Variants in RHOBTB3 observed in about 807,000 individuals in gnomAD.
RHOBTB3 encodes Rho related BTB domain containing 3.
RHOBTB3 carries 47 observed loss-of-function variants against 67.2 expected under a neutral mutation model. The observed-to-expected ratio is 0.70, with a 90% confidence interval of 0.55 to 0.89. RHOBTB3 has a LOEUF of 0.89. Ranked by LOEUF, RHOBTB3 falls within the 40% of genes least tolerant of loss-of-function variation. The probability of loss-of-function intolerance (pLI) is 0.00; values close to 1 mark genes in which losing one functional copy is unlikely to be tolerated. For synonymous variants in RHOBTB3, 273 were observed against 274.2 expected, an observed-to-expected ratio of 1.00 and a Z score of 0.04; for missense variants, 631 against 750.0, an observed-to-expected ratio of 0.84 and a Z score of 1.85.
At chr5:95,740,602 G>A (rs1042727993) in intron 3 of RHOBTB3, among the ~76,000 whole-genome samples, 3 of 152,186 alleles carry the variant, frequency 2.0e-5, no homozygotes, top group African/African-American at 7.2e-5. Flanking sequence ...GGCTTGGAAA[G>A]GATCCACAAG....
intron 4 of RHOBTB3, among the ~76,000 whole-genome samples, chr5:95,749,162 A>G (rs1276757014): frequency 1.3e-5 from 2 of 152,250 alleles, no homozygotes; most frequent in South Asian, 2.1e-4. Context: ...TAGAAACTAC[A>G]TTTCCAAACC....
intron 5 of RHOBTB3, among the ~76,000 whole-genome samples, chr5:95,753,265 G>C (rs145108971): frequency 1.4e-5 from 2 of 142,944 alleles, no homozygotes; most frequent in East Asian, 2.1e-4. Context: ...GTGTGTGTGT[G>C]TCTTTCTGTC....
chr5:95,737,712 T>C (rs534487105), intron 3 of RHOBTB3, among the ~76,000 whole-genome samples: 8 of 152,352 alleles, frequency 5.3e-5, no homozygotes, highest in African/African-American at 1.9e-4. Flanking sequence ...CACATTATTC[T>C]AAAAACTTTT....
chr5:95,738,292 G>C (rs1293947988), intron 3 of RHOBTB3, among the ~76,000 whole-genome samples: 1 of 152,050 alleles, frequency 6.6e-6, no homozygotes, highest in African/African-American at 2.4e-5. Flanking sequence ...TCATAAAAGA[G>C]TTATCTGCAC....
intron 1 of RHOBTB3, among the ~76,000 whole-genome samples, chr5:95,718,710 G>T (rs1028616211): frequency 6.6e-6 from 1 of 152,154 alleles, no homozygotes; most frequent in African/African-American, 2.4e-5. Flanking sequence ...ACACACTAAG[G>T]TTGATCCAGG....
At chr5:95,777,560 T>C (rs947699136) in intron 8 of RHOBTB3, among the ~76,000 whole-genome samples, 2 of 152,244 alleles carry the variant, frequency 1.3e-5, no homozygotes, top group African/African-American at 4.8e-5. Context: ...TTCCATTTCC[T>C]TAAGTAATTT....
chr5:95,779,762 C>T (rs767603639), intron 8 of RHOBTB3, among the ~76,000 whole-genome samples: 3 of 152,168 alleles, frequency 2.0e-5, no homozygotes, highest in Non-Finnish European at 4.4e-5. Flanking sequence ...TCTTGCTATT[C>T]CTACTGTGGT....
chr5:95,763,618 A>G lies in RHOBTB3; in HGVS notation c.1159A>G (p.Lys387Glu). 6.4e-7 allele frequency: 1 copy of G among 1,555,252 alleles called. No homozygotes were observed. Among genetic ancestry groups the G allele is most frequent in the East Asian group, 2.2e-5 (1 of 44,466 alleles). The change falls in exon 7 of 12, where the codon AAG becomes GAG. Residue 387 changes from lysine to glutamate, a missense_variant and splice_region_variant. Physicochemically the swap from Lys to Glu is moderately conservative, Grantham distance 56. Transcript: ENST00000379982. ...KVKCILKTPGKINCLRNCKTY... is the reference protein window; with the variant it reads ...KVKCILKTPGEINCLRNCKTY... ...TAAATGCATTTTAAAAACACCAGGA[A>G]AGGTAAGTTGATTTGTTGTAAGTTA...
intron 3 of RHOBTB3, among the ~76,000 whole-genome samples, chr5:95,741,704 G>A (rs1276067717): frequency 1.3e-5 from 2 of 151,698 alleles, no homozygotes; most frequent in Non-Finnish European, 2.9e-5. Flanking sequence ...GGGTTTGGGG[G>A]GAGGGACCGT....
intron 4 of RHOBTB3, chr5:95,751,355 G>A (rs1375811129): frequency 6.6e-6 from 1 of 151,900 alleles, no homozygotes; most frequent in African/African-American, 2.4e-5. Context: ...TAGCTGCGTG[G>A]GATGGCATGC....
chr5:95,721,839 T>A (rs1175050143), intron 1 of RHOBTB3, among the ~76,000 whole-genome samples: 1 of 152,070 alleles, frequency 6.6e-6, no homozygotes, highest in Admixed American at 6.6e-5. Flanking sequence ...TTCAGCTAGG[T>A]GATCTATTAG....
intron 8 of RHOBTB3, chr5:95,769,917 C>G: frequency 2.7e-6 from 1 of 366,590 alleles, no homozygotes; most frequent in Non-Finnish European, 5.3e-6. Flanking sequence ...AAAAGCTGGT[C>G]CTCAGGTTAT....
At chr5:95,779,007 G>A in intron 8 of RHOBTB3, among the ~76,000 whole-genome samples, 1 of 152,220 alleles carries the variant, frequency 6.6e-6, no homozygotes, top group East Asian at 1.9e-4. Flanking sequence ...GATCCTGAGT[G>A]ATTATTGGCT....
At chr5:95,718,867 G>A (rs146032798) in intron 1 of RHOBTB3, among the ~76,000 whole-genome samples, 3 of 152,284 alleles carry the variant, frequency 2.0e-5, no homozygotes, top group African/African-American at 7.2e-5. Flanking sequence ...AGAGTTAGGA[G>A]GTCCCAGGAG....
chr5:95,731,416 G>A lies in RHOBTB3; in HGVS notation c.-267G>A. 1 of 1,189,452 alleles carries A rather than the reference G, an allele frequency of 8.4e-7. No individual in the cohort carries two copies. 73.7% of individuals were successfully genotyped at this position (1,189,452 alleles called of 1,614,324 possible). On this transcript the variant is annotated 5_prime_UTR_variant, in exon 1 of 12. Transcript: ENST00000379982. ...AGCTGCGTCCACTTGGGGCTGTGCG[G>A]CGGTCCCGCGCCCGGCGATGTTCCC...
At chr5:95,741,306 C>T (rs1411806952) in intron 3 of RHOBTB3, among the ~76,000 whole-genome samples, 12 of 142,504 alleles carry the variant, frequency 8.4e-5, no homozygotes, top group South Asian at 6.5e-4. Flanking sequence ...CCAGCCTGGA[C>T]GACAGAGCGA....
intron 9 of RHOBTB3, 74 bp from the exon 10 acceptor site, chr5:95,783,723 T>A: frequency 1.6e-6 from 2 of 1,256,618 alleles, no homozygotes; most frequent in East Asian, 4.9e-5. Context: ...TTGTTTTTTG[T>A]TGGTGGGGGG....
chr5:95,736,103 T>G (rs1350113776), intron 2 of RHOBTB3, among the ~76,000 whole-genome samples: 2 of 152,176 alleles, frequency 1.3e-5, no homozygotes, highest in African/African-American at 4.8e-5. Context: ...ATCAAAACAT[T>G]ATATTTTTAA....
upstream of RHOBTB3, among the ~76,000 whole-genome samples, chr5:95,730,601 C>A (rs1436500281): frequency 1.3e-5 from 2 of 152,192 alleles, no homozygotes; most frequent in African/African-American, 4.8e-5. Context: ...ACAGAAAAAT[C>A]TCCAAGTAAA....
Sources: gnomAD v4.1 joint callset for allele counts (sites outside exome capture counted in the v4.1 genomes callset) on GRCh38, gnomAD v4.1.1 for gene constraint, MANE v1.5 for transcripts, NCBI Gene and HGNC (gene_info 2026-07-23, HGNC 2026-07-21) for gene names.